ATP2C1: variants seen among roughly 807,000 people sequenced by gnomAD.
ATP2C1 encodes ATPase secretory pathway Ca2+ transporting 1.
A neutral mutation model predicts 120.5 loss-of-function variants in ATP2C1; 31 were observed. That is an observed-to-expected ratio of 0.26 (90% CI 0.19 to 0.35). The LOEUF (loss-of-function observed/expected upper bound fraction) is 0.35, where lower values mean the gene tolerates loss of function less well. Ranked by LOEUF, ATP2C1 falls within the 10% of genes least tolerant of loss-of-function variation. The pLI, the probability that ATP2C1 is intolerant of heterozygous loss-of-function variation, is 1.00. For synonymous variants in ATP2C1, 351 were observed against 358.7 expected (o/e 0.98, Z 0.24); for missense variants, 731 against 1,107.5 (o/e 0.66, Z 4.83).
intron 2 of ATP2C1, among the ~76,000 whole-genome samples, chr3:130,927,508 T>A (rs1169218223): frequency 6.6e-6 from 1 of 152,222 alleles, no homozygotes; most frequent in East Asian, 1.9e-4. Flanking sequence ...CCCAAAGTGC[T>A]GGGATTACAG....
intron 1 of ATP2C1, among the ~76,000 whole-genome samples, chr3:130,883,296 CTT>C (rs2068844539): frequency 6.6e-6 from 1 of 151,962 alleles, no homozygotes; most frequent in Non-Finnish European, 1.5e-5. Flanking sequence ...AAAAGACTAA[CTT>C]TTTGTTTCAT....
chr3:130,964,842 A>G (rs1044388563), intron 13 of ATP2C1, 106 bp from the exon 14 acceptor site: 1 of 745,946 alleles, frequency 1.3e-6, no homozygotes, highest in Non-Finnish European at 2.2e-6. Flanking sequence ...TGATTTCTAT[A>G]AAATTCAGAG....
chr3:130,945,308 C>T (rs1416776989), intron 8 of ATP2C1, among the ~76,000 whole-genome samples: 3 of 152,018 alleles, frequency 2.0e-5, no homozygotes, highest in Admixed American at 2.0e-4. Context: ...ATGAAGCAAT[C>T]TTATTGACTA....
chr3:130,918,158 T>G, intron 2 of ATP2C1: 1 of 948,574 alleles, frequency 1.1e-6, no homozygotes, highest in Non-Finnish European at 1.7e-6. Flanking sequence ...TTAGAAAGAT[T>G]ATCTGTGCCT....
intron 6 of ATP2C1, among the ~76,000 whole-genome samples, chr3:130,938,148 C>T (rs1265584277): frequency 1.3e-5 from 2 of 151,954 alleles, no homozygotes; most frequent in Non-Finnish European, 2.9e-5. Context: ...GTAAAGTAGC[C>T]CCTTTTAAAA....
At chr3:131,005,672 T>C (rs187840092), downstream of ATP2C1, among the ~76,000 whole-genome samples, 2 of 152,368 alleles carry the variant, frequency 1.3e-5, no homozygotes, top group Admixed American at 6.5e-5. Context: ...GCATCCATTT[T>C]TTTTGTTGTT....
intron 18 of ATP2C1, among the ~76,000 whole-genome samples, chr3:130,978,835 C>T (rs997657174): frequency 2.0e-5 from 3 of 152,100 alleles, no homozygotes; most frequent in South Asian, 4.2e-4. Context: ...GATGAAGATC[C>T]GTTAGAAGCC....
In ATP2C1 at chr3:131,002,554, A is replaced by T. The variant is rs886057989; in HGVS notation, c.*1204A>T. On this transcript the variant is annotated 3_prime_UTR_variant, in exon 28 of 28. Transcript: ENST00000510168. ...GGTGGATTTTGTGTGTAATGCCATC[A>T]GTTTTTATGAAAGCTTGATGAGGTA... 1.5e-5 allele frequency: 15 copies of T among 985,300 alleles called. No individual in the cohort carries two copies. The highest frequency in any genetic ancestry group is 5.2e-4 in the Middle Eastern group (1 of 1,936). 61.0% of individuals were successfully genotyped at this position (985,300 alleles called of 1,614,324 possible). A position where few individuals can be genotyped will look rare whatever the true frequency, so the allele number is the denominator to read the frequency against.
chr3:130,976,884 C>A (rs929761508), intron 18 of ATP2C1, among the ~76,000 whole-genome samples: 2 of 152,182 alleles, frequency 1.3e-5, no homozygotes, highest in Admixed American at 6.5e-5. Flanking sequence ...CCAACTGACA[C>A]TCTGGATAAT....
intron 1 of ATP2C1, chr3:130,855,751 T>A (rs1291717985): frequency 6.6e-6 from 1 of 152,208 alleles, no homozygotes; most frequent in Non-Finnish European, 1.5e-5. Flanking sequence ...AACTTGTCAA[T>A]AACAAATAAG....
chr3:130,900,235 T>TA (rs1369322869), intron 2 of ATP2C1, among the ~76,000 whole-genome samples: 1 of 151,994 alleles, frequency 6.6e-6, no homozygotes, highest in East Asian at 1.9e-4. Context: ...GCTAATTTCT[T>TA]AATTTTTTTA....
At chr3:130,937,331 G>A in intron 5 of ATP2C1, 97 bp from the exon 6 acceptor site, 1 of 1,016,120 alleles carries the variant, frequency 9.8e-7, no homozygotes, top group Non-Finnish European at 1.5e-6. Flanking sequence ...TTTAAAATCT[G>A]TTATTGTGGG....
chr3:130,884,935 T>TG (rs892550795), intron 1 of ATP2C1, among the ~76,000 whole-genome samples: 12 of 148,256 alleles, frequency 8.1e-5, no homozygotes, highest in Admixed American at 6.7e-5. Context: ...TCTTTCTTTT[T>TG]TTTTTTTTTT....
intron 1 of ATP2C1, among the ~76,000 whole-genome samples, chr3:130,856,785 A>G (rs935057968): frequency 2.6e-5 from 4 of 152,192 alleles, no homozygotes; most frequent in Non-Finnish European, 5.9e-5. Context: ...GTGCTTGAGT[A>G]GAAAAAATTT....
chr3:130,954,891 GT>G, intron 9 of ATP2C1, 120 bp from the exon 10 acceptor site: 6 of 732,734 alleles, frequency 8.2e-6, no homozygotes, highest in Non-Finnish European at 1.5e-5. Context: ...AATCTTAGGA[GT>G]GTGTATGTTA....
intron 2 of ATP2C1, among the ~76,000 whole-genome samples, chr3:130,917,289 G>T (rs926331480): frequency 1.3e-5 from 2 of 152,212 alleles, no homozygotes; most frequent in Admixed American, 1.3e-4. Context: ...TGATGGATTT[G>T]TTGGCATATT....
intron 2 of ATP2C1, among the ~76,000 whole-genome samples, chr3:130,905,382 T>G (rs1451443813): frequency 1.3e-5 from 2 of 152,132 alleles, no homozygotes; most frequent in African/African-American, 4.8e-5. Flanking sequence ...CTTTTCTCTT[T>G]CTTTGTTACT....
intron 11 of ATP2C1, among the ~76,000 whole-genome samples, chr3:130,958,963 T>A (rs529120552): frequency 3.4e-4 from 52 of 152,242 alleles, no homozygotes; most frequent in Non-Finnish European, 5.4e-4. Context: ...TGGTAATTTT[T>A]AAAAAAATAA....
In ATP2C1 at chr3:130,915,034, A is replaced by G. The variant is rs1361520780; in HGVS notation, c.7-15382A>G. ...GGAGGGTTCCTTCCTACCTCTTAGTAAAGATTGGGAAAGAAAAGAGTTAAT... is the reference window on the plus strand; with the variant it reads ...GGAGGGTTCCTTCCTACCTCTTAGTGAAGATTGGGAAAGAAAAGAGTTAAT... On this transcript the variant is annotated intron_variant, in intron 2 of 27. Transcript: ENST00000510168. Among the ~76,000 whole-genome samples, 8 of 151,992 alleles carry G rather than the reference A, an allele frequency of 5.3e-5. No individual in the cohort carries two copies. In the East Asian group the frequency reaches 1.5e-3, roughly 29 times the overall value.
Sources: allele counts gnomAD v4.1 joint callset (sites outside exome capture counted in the v4.1 genomes callset), GRCh38; gene constraint gnomAD v4.1.1; transcripts MANE v1.5; gene names NCBI Gene and HGNC (gene_info 2026-07-23, HGNC 2026-07-21).